Variants in PLK5 observed in about 807,000 individuals in gnomAD.
PLK5 encodes the protein polo like kinase 5 (inactive), also known as inactive serine/threonine-protein kinase PLK5.
A neutral mutation model predicts 33.7 loss-of-function variants in PLK5; 28 were observed. The observed-to-expected ratio is 0.83, with a 90% CI of 0.62 to 1.14. The LOEUF is 1.14. Ranked by LOEUF, PLK5 falls within the 50% of genes most tolerant of loss-of-function variation. The pLI is 0.00. For synonymous variants in PLK5, 225 were observed against 202.2 expected, an observed-to-expected ratio of 1.11 and a Z score of -0.96; for missense variants, 492 against 461.5, an observed-to-expected ratio of 1.07 and a Z score of -0.61.
rs1808987318 is a variant in PLK5 at position 1,535,305 on chromosome 19, C to T, written c.*55C>T. 2.0e-6 allele frequency: 3 copies of T among 1,479,718 alleles called. No individual in the cohort carries two copies. In the African/African-American group the frequency reaches 4.3e-5, roughly 21 times the overall value. The allele number at this position is 1,479,718 out of a possible 1,614,324, so 91.7% of individuals were successfully genotyped here. Reference sequence around the variant, plus strand: ...ATGGTAGTGCCAGGGACCCAGGCTCCATTTCCATTCCTGTGGCTCCCCCAG... The same window carrying T: ...ATGGTAGTGCCAGGGACCCAGGCTCTATTTCCATTCCTGTGGCTCCCCCAG... On this transcript the variant is annotated 3_prime_UTR_variant, in exon 14 of 14. Transcript: ENST00000454744.
intron 7 of PLK5, 66 bp downstream of exon 7, chr19:1,528,200 TG>T: frequency 6.6e-7 from 1 of 1,516,658 alleles, no homozygotes; most frequent in African/African-American, 1.4e-5. Context: ...AGCCAGAGCC[TG>T]CCCTGCTCAG....
In PLK5 at chr19:1,528,963, TG is replaced by T; in HGVS notation, c.397del (p.Asp133ThrfsTer54). 1 of 1,512,520 alleles carries T rather than the reference TG, an allele frequency of 6.6e-7. No homozygotes were observed. The highest frequency in any genetic ancestry group is 2.1e-5 in the Admixed American group (1 of 46,706). 93.7% of individuals were successfully genotyped at this position (1,512,520 alleles called of 1,614,324 possible). ...EGGPDPDSME[W>X]DGESSLSAKE... ...TGGGCCAGACCCTGACTCCATGGAG[TG>T]GGACGGCGAGGTGAGACATCGGGGT... On this transcript the variant is annotated frameshift_variant, in exon 9 of 14. Transcript: ENST00000454744. LOFTEE classifies it high-confidence loss of function.
intron 12 of PLK5, 174 bp from the exon 13 acceptor site, chr19:1,533,757 C>T (rs1301866303): frequency 1.6e-6 from 1 of 614,072 alleles, no homozygotes; most frequent in Non-Finnish European, 2.9e-6. Context: ...AGGCTGGAAG[C>T]CTTCGCCCTG....
At chr19:1,527,033 C>T in intron 6 of PLK5, 35 bp downstream of exon 6, 12 of 1,451,034 alleles carry the variant, frequency 8.3e-6, no homozygotes, top group Non-Finnish European at 5.4e-6. Flanking sequence ...GGCAGGGCCT[C>T]CGGGGGGGGC....
intron 6 of PLK5, 56 bp downstream of exon 6, chr19:1,527,054 G>GA: frequency 1.8e-6 from 2 of 1,107,666 alleles, no homozygotes; most frequent in African/African-American, 7.0e-5. Flanking sequence ...AGGTGTGGCG[G>GA]GGGGGGAGCC....
rs1239188619 is a variant in PLK5, at chr19:1,535,318, G to A, written c.*68G>A. The stretch of plus-strand genomic sequence containing the variant: ...GGACCCAGGCTCCATTTCCATTCCT[G>A]TGGCTCCCCCAGAGGGGCTGTCCTG... On this transcript the variant is annotated 3_prime_UTR_variant, in exon 14 of 14. Transcript: ENST00000454744. The A allele has an allele frequency of 6.8e-7, 1 of 1,464,478 alleles. No homozygotes were observed. The highest frequency in any genetic ancestry group is 1.3e-5 in the South Asian group (1 of 77,812). The allele number at this position is 1,464,478 out of a possible 1,614,324, so 90.7% of individuals were successfully genotyped here. A position where few individuals can be genotyped will look rare whatever the true frequency, so the allele number is the denominator to read the frequency against.
rs1599309312 is a variant in PLK5 at position 1,535,329 on chromosome 19, A to G, written c.*79A>G. The stretch of plus-strand genomic sequence containing the variant: ...CCATTTCCATTCCTGTGGCTCCCCC[A>G]GAGGGGCTGTCCTGGGGGAGGGCTG... On this transcript the variant is annotated 3_prime_UTR_variant, in exon 14 of 14. Coordinates refer to ENST00000454744, the MANE Select transcript of PLK5 (RefSeq NM_001243079.2). 1 of 1,440,726 alleles carries G rather than the reference A, an allele frequency of 6.9e-7. No individual in the cohort carries two copies. The highest frequency in any genetic ancestry group is 9.2e-7 in the Non-Finnish European group (1 of 1,082,720). 89.2% of individuals were successfully genotyped at this position (1,440,726 alleles called of 1,614,324 possible).
intron 6 of PLK5, among the ~76,000 whole-genome samples, 153 bp from the exon 7 acceptor site, chr19:1,527,783 C>T (rs1913783089): frequency 6.6e-6 from 1 of 152,214 alleles, no homozygotes; most frequent in East Asian, 1.9e-4. Flanking sequence ...GTGCATGGGA[C>T]TGCACAGGGT....
In PLK5 at chr19:1,527,942, G is replaced by A. The variant is rs545101480; in HGVS notation, c.9G>A (p.Thr3=). Residue 3 remains threonine, a synonymous_variant, in exon 7 of 14, where the codon ACG becomes ACA. Transcript: ENST00000454744. ...TGCCCCCCACCTGGCCCAGGTACAC[G>A]GTGCTGACTGGCACCCCACCCTTCA... MY[T]VLTGTPPFMA... 33 of 1,532,600 alleles carry A rather than the reference G, an allele frequency of 2.2e-5. No individual in the cohort carries two copies. The South Asian group carries it at 3.2e-4, about 15-fold the overall frequency. 94.9% of individuals were successfully genotyped at this position (1,532,600 alleles called of 1,614,324 possible).
At position 1,535,430 on chromosome 19, in the gene PLK5, T is replaced by C. The variant is rs1019441145; in HGVS notation, c.*180T>C. 8.1e-6 allele frequency: 5 copies of C among 614,962 alleles called. No individual in the cohort carries two copies. Among genetic ancestry groups the C allele is most frequent in the African/African-American group, 7.8e-5 (4 of 51,492 alleles). The allele number at this position is 614,962 out of a possible 1,614,324, so 38.1% of individuals were successfully genotyped here. A position where few individuals can be genotyped will look rare whatever the true frequency, so the allele number is the denominator to read the frequency against. Reference sequence around the variant, plus strand: ...AGACTTTGCTGGGATCTCTTCCTTTTTCATTAAAGACAATTTGAAATGCTG... The same window carrying C: ...AGACTTTGCTGGGATCTCTTCCTTTCTCATTAAAGACAATTTGAAATGCTG... On this transcript the variant is annotated 3_prime_UTR_variant, in exon 14 of 14. Coordinates refer to ENST00000454744, the MANE Select transcript of PLK5 (RefSeq NM_001243079.2).
chr19:1,532,615 C>T (rs1399740163), intron 12 of PLK5, among the ~76,000 whole-genome samples: 4 of 151,436 alleles, frequency 2.6e-5, no homozygotes, highest in African/African-American at 7.3e-5. Context: ...CTCCACCTCC[C>T]GGGTTCACAC....
chr19:1,534,677 C>G (rs265285), intron 13 of PLK5, among the ~76,000 whole-genome samples: 25 of 148,012 alleles, frequency 1.7e-4, no homozygotes, highest in African/African-American at 2.7e-4. Context: ...ATTAGCCGGG[C>G]GTGGTGGCGG....
intron 12 of PLK5, among the ~76,000 whole-genome samples, chr19:1,533,018 C>T (rs1913978262): frequency 6.6e-6 from 1 of 151,474 alleles, no homozygotes; most frequent in African/African-American, 2.4e-5. Flanking sequence ...TCAGTAGGTC[C>T]CAGCTACTTG....
rs1042136729 is a variant in PLK5, at chr19:1,526,795, A to G, written c.-95+4A>G. On this transcript the variant is annotated splice_donor_region_variant and intron_variant, in intron 5 of 13. Coordinates refer to ENST00000454744, the MANE Select transcript of PLK5 (RefSeq NM_001243079.2). ...GGCCAGGGGGCCGCTGCCACAGGTG[A>G]GAGCCGGGGGGAGGGCTCTGAGCAG... is the stretch of plus-strand genomic sequence containing the variant. The G allele has an allele frequency of 1.4e-5, 9 of 639,346 alleles. No individual in the cohort carries two copies. Among genetic ancestry groups the G allele is most frequent in the Non-Finnish European group, 2.4e-5 (9 of 368,004 alleles). The allele number at this position is 639,346 out of a possible 1,614,324, so 39.6% of individuals were successfully genotyped here.
At chr19:1,532,032 G>A (rs1913947066) in intron 12 of PLK5, 149 bp downstream of exon 12, 4 of 918,608 alleles carry the variant, frequency 4.4e-6, no homozygotes, top group Admixed American at 7.5e-5. Context: ...GAATCAGCAA[G>A]TGCGTTTCTG....
chr19:1,527,457 C>G (rs977400666), intron 6 of PLK5, among the ~76,000 whole-genome samples: 4 of 152,128 alleles, frequency 2.6e-5, no homozygotes, highest in Admixed American at 6.5e-5. Context: ...CAAAAATTAG[C>G]CAGGAGTGGT....
Position 1,526,797 on chromosome 19 carries a change from A to C in PLK5, c.-95+6A>C, listed in dbSNP as rs2145540047. 3.1e-6 allele frequency: 2 copies of C among 649,594 alleles called. No individual in the cohort carries two copies. The highest frequency in any genetic ancestry group is 5.8e-5 in the East Asian group (2 of 34,626). 40.2% of individuals were successfully genotyped at this position (649,594 alleles called of 1,614,324 possible). ...CCAGGGGGCCGCTGCCACAGGTGAGAGCCGGGGGGAGGGCTCTGAGCAGTC... is the reference window on the plus strand; with the variant it reads ...CCAGGGGGCCGCTGCCACAGGTGAGCGCCGGGGGGAGGGCTCTGAGCAGTC... On this transcript the variant is annotated splice_donor_region_variant and intron_variant, in intron 5 of 13. Coordinates refer to ENST00000454744, the MANE Select transcript of PLK5 (RefSeq NM_001243079.2).
Position 1,528,348 on chromosome 19 carries a change from C to G in PLK5, c.248C>G (p.Pro83Arg), listed in dbSNP as rs956699214. 3.3e-5 allele frequency: 51 copies of G among 1,535,676 alleles called. No homozygotes were observed. The highest frequency in any genetic ancestry group is 4.2e-5 in the Non-Finnish European group (48 of 1,146,788). ...CCGGCCCACTCCTGCCACAGTCCCC[C>G]CATCTTCGCCATACCCCCGCCTCTG... ...RLPAHSCHSP[P>R]IFAIPPPLGR... The change falls in exon 8 of 14, where the codon CCC becomes CGC. Residue 83 changes from proline to arginine, a missense_variant. Coordinates refer to ENST00000454744, the MANE Select transcript of PLK5 (RefSeq NM_001243079.2).
chr19:1,528,372 T>C lies in PLK5; in HGVS notation c.272T>C (p.Leu91Pro). Residue 91 changes from leucine to proline, a missense_variant, in exon 8 of 14, where the codon CTG becomes CCG. Coordinates refer to ENST00000454744, the MANE Select transcript of PLK5 (RefSeq NM_001243079.2). The stretch of plus-strand genomic sequence containing the variant: ...CCCATCTTCGCCATACCCCCGCCTC[T>C]GGGCAGGATCTTCCGGAAGGTGGGC... ...SPPIFAIPPP[L>P]GRIFRKVGQR... The C allele has an allele frequency of 6.5e-7, 1 of 1,535,084 alleles. No individual in the cohort carries two copies. Among genetic ancestry groups the C allele is most frequent in the Non-Finnish European group, 8.7e-7 (1 of 1,146,668 alleles).
Sources: gnomAD v4.1 joint callset for allele counts (sites outside exome capture counted in the v4.1 genomes callset) on GRCh38, gnomAD v4.1.1 for gene constraint, MANE v1.5 for transcripts, NCBI Gene and HGNC (gene_info 2026-07-23, HGNC 2026-07-21) for gene names.